NUP155: variants seen among roughly 807,000 people sequenced by gnomAD.
NUP155 encodes nuclear pore complex protein Nup155.
NUP155 carries 71 observed loss-of-function variants against 180.4 expected under a neutral mutation model. The observed-to-expected ratio is 0.39, with a 90% CI of 0.33 to 0.48. The LOEUF is 0.48. Among genes scored for constraint, NUP155 ranks in the 20% least tolerant of loss-of-function variants. The pLI is 0.91. For missense variants in NUP155, 1,553 were observed against 1,648.9 expected, an observed-to-expected ratio of 0.94 and a Z score of 1.01; for synonymous variants, 582 against 559.5, an observed-to-expected ratio of 1.04 and a Z score of -0.57.
intron 32 of NUP155, 62 bp downstream of exon 32, chr5:37,298,806 A>C: frequency 1.2e-6 from 1 of 862,376 alleles, no homozygotes; most frequent in Admixed American, 1.8e-5. Context: ...TTATTTGTCC[A>C]TATCAACGGA....
At position 37,330,090 on chromosome 5, in the gene NUP155, T is replaced by C. The variant is rs749797471; in HGVS notation, c.1672A>G (p.Thr558Ala). ...CATCLILACS[T>A]AACDREVSAW... The stretch of plus-strand genomic sequence containing the variant: ...GATACTTCTCTATCACAGGCAGCAG[T>C]GGAGCAAGCAAGAATAAGGCAAGTT... Residue 558 changes from threonine (T) to alanine (A), a missense_variant, in exon 15 of 35, where the codon ACT becomes GCT. Transcript: ENST00000231498. 3.1e-6 allele frequency: 5 copies of C among 1,613,582 alleles called. No homozygotes were observed. Among genetic ancestry groups the C allele is most frequent in the Non-Finnish European group, 4.2e-6 (5 of 1,179,820 alleles).
In NUP155 at chr5:37,351,332, A is replaced by G; in HGVS notation, c.581T>C (p.Leu194Ser). Residue 194 changes from leucine to serine, a missense_variant, in exon 6 of 35, where the codon TTG becomes TCG. Coordinates refer to ENST00000231498, the MANE Select transcript of NUP155 (RefSeq NM_153485.3). ...TGGAAGCAACTGCATTCCACCAGACAAACTATCATTAAGAACTCCAGAACC... is the reference window on the plus strand; with the variant it reads ...TGGAAGCAACTGCATTCCACCAGACGAACTATCATTAAGAACTCCAGAACC... ...QTGSGVLNDS[L>S]SGGMQLLPDP... is the part of the protein sequence containing the mutation. The G allele has an allele frequency of 6.2e-7, 1 of 1,612,592 alleles. No homozygotes were observed. The highest frequency in any genetic ancestry group is 8.5e-7 in the Non-Finnish European group (1 of 1,178,742).
rs1747899483 is a variant in NUP155 at position 37,370,644 on chromosome 5, G to T, written c.157+177C>A. The T allele has an allele frequency of 5.8e-6, 9 of 1,557,978 alleles. 1 individual carries two copies. Among genetic ancestry groups the T allele is most frequent in the South Asian group, 2.4e-5 (2 of 83,408 alleles). ...TGCCCTCTCAAGTATCTACAATGAA[G>T]AAAGTGAGGAAAGGAAAAAACCTGA... On this transcript the variant is annotated intron_variant, in intron 1 of 34. Transcript: ENST00000231498.
At chr5:37,347,900 G>T (rs981286467) in intron 9 of NUP155, among the ~76,000 whole-genome samples, 5 of 151,992 alleles carry the variant, frequency 3.3e-5, no homozygotes, top group Non-Finnish European at 5.9e-5. Flanking sequence ...ACTTTGGGAG[G>T]TTGAGGCGGG....
At chr5:37,347,795 G>T (rs1376308338) in intron 9 of NUP155, among the ~76,000 whole-genome samples, 2 of 151,916 alleles carry the variant, frequency 1.3e-5, no homozygotes, top group Non-Finnish European at 2.9e-5. Context: ...GAGGTCAGGA[G>T]TTAGAGACCA....
At chr5:37,346,751 T>C (rs138490753) in intron 9 of NUP155, among the ~76,000 whole-genome samples, 11 of 152,276 alleles carry the variant, frequency 7.2e-5, no homozygotes, top group Admixed American at 3.9e-4. Flanking sequence ...TAATGCAGAT[T>C]GTCTGAAGAC....
In NUP155 at chr5:37,310,084, A is replaced by G. The variant is rs115238893; in HGVS notation, c.2628+468T>C. Reference sequence around the variant, plus strand: ...CTGGGCATGGTGGCTCACACTTATAATCCCAGCACTATGGGAGGCTGAGGC... The same window carrying G: ...CTGGGCATGGTGGCTCACACTTATAGTCCCAGCACTATGGGAGGCTGAGGC... On this transcript the variant is annotated intron_variant, in intron 23 of 34. Coordinates refer to ENST00000231498, the MANE Select transcript of NUP155 (RefSeq NM_153485.3). Among the ~76,000 whole-genome samples the G allele has an allele frequency of 4.3e-3, 662 of 152,266 alleles. 4 individuals carry two copies. The highest frequency in any genetic ancestry group is 6.8e-3 in the Middle Eastern group (2 of 294).
At chr5:37,314,697 G>T (rs189310954) in intron 21 of NUP155, among the ~76,000 whole-genome samples, 29 of 152,148 alleles carry the variant, frequency 1.9e-4, no homozygotes, top group Admixed American at 1.6e-3. Flanking sequence ...ATTAGCTGGT[G>T]GGGGGGATGG....
chr5:37,288,566 G>A lies in NUP155; in HGVS notation c.*3334C>T, dbSNP rs1394301873. The A allele has an allele frequency of 6.6e-6, 1 of 151,892 alleles. No homozygotes were observed. Among genetic ancestry groups the A allele is most frequent in the East Asian group, 1.9e-4 (1 of 5,186 alleles). The allele number at this position is 151,892 out of a possible 1,614,324, so 9.4% of individuals were successfully genotyped here. ...ATTAACGCACTGTTTCATAGACTATGTTCTACCAATTATACATTGCCTACA... is the reference window on the plus strand; with the variant it reads ...ATTAACGCACTGTTTCATAGACTATATTCTACCAATTATACATTGCCTACA... On this transcript the variant is annotated 3_prime_UTR_variant, in exon 35 of 35. Transcript: ENST00000231498.
At chr5:37,293,114 T>G (rs1309030369) in intron 33 of NUP155, 129 bp from the exon 34 acceptor site, 1 of 667,380 alleles carries the variant, frequency 1.5e-6, no homozygotes, top group Non-Finnish European at 2.7e-6. Context: ...TAATATCACA[T>G]GGCTACTAAA....
At chr5:37,331,298 G>C (rs1171911120) in intron 14 of NUP155, among the ~76,000 whole-genome samples, 1 of 152,154 alleles carries the variant, frequency 6.6e-6, no homozygotes, top group Non-Finnish European at 1.5e-5. Flanking sequence ...TTATGGCTGG[G>C]CTTGGTGGCT....
intron 20 of NUP155, among the ~76,000 whole-genome samples, chr5:37,321,528 G>A (rs1581157699): frequency 6.6e-6 from 1 of 151,938 alleles, no homozygotes; most frequent in Non-Finnish European, 1.5e-5. Flanking sequence ...ACCATCCTGG[G>A]CAACATGGTG....
At chr5:37,339,915 C>T (rs1202741940) in intron 11 of NUP155, among the ~76,000 whole-genome samples, 2 of 152,078 alleles carry the variant, frequency 1.3e-5, no homozygotes, top group Non-Finnish European at 2.9e-5. Context: ...GACATGCCCC[C>T]TACACCCGGC....
rs1380466151 is a variant in NUP155 at position 37,364,228 on chromosome 5, A to G, written c.295+19T>C. 6.3e-7 allele frequency: 1 copy of G among 1,585,110 alleles called. No individual in the cohort carries two copies. Among genetic ancestry groups the G allele is most frequent in the Non-Finnish European group, 8.7e-7 (1 of 1,154,318 alleles). ...ACCAATTTTAACATTTTTAAAATAAATACAAAGTAATAGGATACGTCCAAA... is the reference window on the plus strand; with the variant it reads ...ACCAATTTTAACATTTTTAAAATAAGTACAAAGTAATAGGATACGTCCAAA... On this transcript the variant is annotated intron_variant, in intron 2 of 34. Coordinates refer to ENST00000231498, the MANE Select transcript of NUP155 (RefSeq NM_153485.3).
At chr5:37,299,298 A>C in intron 31 of NUP155, 150 bp downstream of exon 31, 2 of 836,230 alleles carry the variant, frequency 2.4e-6, no homozygotes. Context: ...CCTCCACCAT[A>C]CCCAGGTGAC....
intron 9 of NUP155, among the ~76,000 whole-genome samples, chr5:37,345,337 T>C (rs1343173893): frequency 6.6e-6 from 1 of 151,540 alleles, no homozygotes; most frequent in Non-Finnish European, 1.5e-5. Context: ...TGAAACCCCG[T>C]CTGTACCAAA....
intron 34 of NUP155, 48 bp downstream of exon 34, chr5:37,292,831 A>G (rs757168654): frequency 8.4e-7 from 1 of 1,188,198 alleles, no homozygotes; most frequent in East Asian, 2.3e-5. Context: ...GGTATTTATT[A>G]GAAGCATTTA....
chr5:37,342,778 C>T, intron 9 of NUP155, 132 bp from the exon 10 acceptor site: 1 of 662,114 alleles, frequency 1.5e-6, no homozygotes, highest in Non-Finnish European at 2.7e-6. Context: ...ACTCTGTCAC[C>T]CAGGCTGGAG....
intron 32 of NUP155, among the ~76,000 whole-genome samples, chr5:37,296,106 C>A (rs1280027048): frequency 6.6e-6 from 1 of 151,430 alleles, no homozygotes; most frequent in Admixed American, 6.6e-5. Context: ...GTGAGGGGCA[C>A]CTCTGCCCGG....
Sources: gnomAD v4.1 joint callset for allele counts (sites outside exome capture counted in the v4.1 genomes callset) on GRCh38, gnomAD v4.1.1 for gene constraint, MANE v1.5 for transcripts, NCBI Gene and HGNC (gene_info 2026-07-23, HGNC 2026-07-21) for gene names.